MICOS13: variants seen among roughly 807,000 people sequenced by gnomAD.
MICOS13 encodes the protein MICOS complex subunit MIC13.
Under a neutral mutation model 16.1 loss-of-function variants are expected in MICOS13, and 15 were observed. That is an observed-to-expected ratio of 0.93 (90% CI 0.62 to 1.44). MICOS13 has a LOEUF of 1.44. Ranked by LOEUF, MICOS13 falls within the 40% of genes most tolerant of loss-of-function variation. The pLI is 0.00. For synonymous variants in MICOS13, 61 were observed against 62.6 expected (o/e 0.97, Z 0.12); for missense variants, 164 against 155.0 (o/e 1.06, Z -0.31).
chr19:5,678,723 G>T (rs2054476269), intron 3 of MICOS13, 75 bp from the exon 4 acceptor site: 1 of 689,204 alleles, frequency 1.5e-6, no homozygotes, highest in Non-Finnish European at 2.1e-6. Flanking sequence ...GGAAACTCTA[G>T]AGTTTGTTTT....
Position 5,679,394 on chromosome 19 carries a change from G to T in MICOS13, c.210C>A (p.Leu70=), listed in dbSNP as rs760007005. ...GAAAGTAAATCTTTGGAGGGGCTGG[G>T]AGCTGGGAAAAAGAGATGGGCAGAA... The part of the protein sequence containing the change: ...CQQTGLQIPQ[L]PAPPKIYFPI... The change falls in exon 3 of 4, where the codon CTC becomes CTA. Residue 70 remains leucine, a splice_region_variant and synonymous_variant. Coordinates refer to ENST00000309324, the MANE Select transcript of MICOS13 (RefSeq NM_205767.3). 1.9e-6 allele frequency: 3 copies of T among 1,613,354 alleles called. No individual in the cohort carries two copies. The East Asian group carries it at 6.7e-5, about 36-fold the overall frequency.
At chr19:5,680,226 C>G in intron 1 of MICOS13, 1 of 1,546,720 alleles carries the variant, frequency 6.5e-7, no homozygotes, top group Non-Finnish European at 8.7e-7. Flanking sequence ...GAGGCTGACA[C>G]CGCGAACTGA....
intron 1 of MICOS13, chr19:5,680,176 AT>A: frequency 6.5e-7 from 1 of 1,536,820 alleles, no homozygotes; most frequent in Non-Finnish European, 8.7e-7. Flanking sequence ...ATTCACCGGC[AT>A]TCCCACCTCA....
At position 5,678,660 on chromosome 19, in the gene MICOS13, G is replaced by A. The variant is rs1179581238; in HGVS notation, c.260-12C>T. The A allele has an allele frequency of 4.0e-5, 60 of 1,515,310 alleles. No homozygotes were observed. Among genetic ancestry groups the A allele is most frequent in the Non-Finnish European group, 5.1e-5 (57 of 1,128,438 alleles). The allele number at this position is 1,515,310 out of a possible 1,614,324, so 93.9% of individuals were successfully genotyped here. ...CACCGTCATGATGCCTGTGGGAAAG[G>A]GACGGCCACTGGTGATACTCCCCTC... is the stretch of plus-strand genomic sequence containing the variant. On this transcript the variant is annotated splice_polypyrimidine_tract_variant and intron_variant, in intron 3 of 3. Transcript: ENST00000309324.
chr19:5,679,481 G>A (rs768578448), intron 2 of MICOS13, 85 bp from the exon 3 acceptor site: 3 of 1,593,020 alleles, frequency 1.9e-6, no homozygotes, highest in Non-Finnish European at 2.6e-6. Flanking sequence ...ACAGGCCGGA[G>A]AATCAGGTCA....
chr19:5,679,939 G>A (rs759937928), intron 1 of MICOS13, 176 bp from the exon 2 acceptor site: 91 of 1,372,640 alleles, frequency 6.6e-5, no homozygotes, highest in Non-Finnish European at 8.3e-5. Context: ...GTTTTACAAC[G>A]TGCAAGGCAG....
chr19:5,680,018 A>G (rs540179962), intron 1 of MICOS13: 140 of 1,502,706 alleles, frequency 9.3e-5, no homozygotes, highest in Non-Finnish European at 1.2e-4. Context: ...TCAAAGTCCC[A>G]CAGTGAGCAG....
intron 3 of MICOS13, chr19:5,678,984 C>T (rs994944196): frequency 2.4e-5 from 9 of 372,922 alleles, no homozygotes; most frequent in Non-Finnish European, 4.4e-5. Context: ...CCTCGGCTCA[C>T]TGCAACCTCT....
chr19:5,678,973 AC>A (rs1328334194), intron 3 of MICOS13: 1 of 372,706 alleles, frequency 2.7e-6, no homozygotes, highest in African/African-American at 2.1e-5. Context: ...CAGTGGTGCA[AC>A]CTCGGCTCAC....
Position 5,679,411 on chromosome 19 carries a change from T to G in MICOS13, c.208-15A>C. The G allele has an allele frequency of 6.2e-7, 1 of 1,612,798 alleles. No homozygotes were observed. On this transcript the variant is annotated splice_polypyrimidine_tract_variant and intron_variant, in intron 2 of 3. Transcript: ENST00000309324. ...GGGGCTGGGAGCTGGGAAAAAGAGA[T>G]GGGCAGAAAGAACTGGTGAAAAGGC...
rs2054474429 is a variant in MICOS13, at chr19:5,678,613, G to A, written c.295C>T (p.Pro99Ser). ...MTVMSALSVA[P>S]SKAREYSKEG... Reference sequence around the variant, plus strand: ...TTGGAGTACTCGCGGGCCTTGGAGGGGGCCACCGACAGAGCTGACATCACC... The same window carrying A: ...TTGGAGTACTCGCGGGCCTTGGAGGAGGCCACCGACAGAGCTGACATCACC... The change falls in exon 4 of 4, where the codon CCC becomes TCC. Residue 99 changes from proline to serine, a missense_variant. By Grantham distance (74) the Pro-to-Ser change is moderately conservative. Coordinates refer to ENST00000309324, the MANE Select transcript of MICOS13 (RefSeq NM_205767.3). The A allele has an allele frequency of 6.5e-7, 1 of 1,546,388 alleles. No homozygotes were observed. The highest frequency in any genetic ancestry group is 8.7e-7 in the Non-Finnish European group (1 of 1,145,162).
At chr19:5,680,395 CAG>C in intron 1 of MICOS13, 61 bp downstream of exon 1, 1 of 1,609,540 alleles carries the variant, frequency 6.2e-7, no homozygotes, top group Non-Finnish European at 8.5e-7. Flanking sequence ...AGACTGGAGA[CAG>C]GGATGCCCAC....
At chr19:5,678,879 C>G (rs528185152) in intron 3 of MICOS13, 1 of 483,176 alleles carries the variant, frequency 2.1e-6, no homozygotes, top group East Asian at 4.0e-5. Flanking sequence ...GTAGCTGGGA[C>G]TACAAGTGCG....
chr19:5,678,919 A>AT, intron 3 of MICOS13: 3 of 394,466 alleles, frequency 7.6e-6, no homozygotes, highest in Non-Finnish European at 1.4e-5. Context: ...TTTGTATTTT[A>AT]TTTTTTTGAG....
intron 3 of MICOS13, 62 bp from the exon 4 acceptor site, chr19:5,678,710 C>T (rs2054476094): frequency 1.1e-6 from 1 of 890,538 alleles, no homozygotes; most frequent in Non-Finnish European, 1.5e-6. Context: ...CCTCCAACCC[C>T]TGGGAAACTC....
At chr19:5,679,525 G>A (rs1863016084) in intron 2 of MICOS13, 61 bp downstream of exon 2, 14 of 1,596,636 alleles carry the variant, frequency 8.8e-6, no homozygotes, top group South Asian at 2.2e-5. Flanking sequence ...GTGCAGGGCT[G>A]GAGGGACCTC....
chr19:5,680,319 A>G (rs1438670870), intron 1 of MICOS13, 139 bp downstream of exon 1: 1 of 1,608,520 alleles, frequency 6.2e-7, no homozygotes, highest in Non-Finnish European at 8.5e-7. Context: ...CAGTTTCCCT[A>G]TCTGGCCCAT....
rs116939229 is a variant in MICOS13, at chr19:5,679,992, G to C, written c.30-229C>G. The C allele has an allele frequency of 1.5e-4, 218 of 1,477,458 alleles. 1 individual carries two copies. In the African/African-American group the frequency reaches 2.9e-3, roughly 20 times the overall value. The allele number at this position is 1,477,458 out of a possible 1,614,324, so 91.5% of individuals were successfully genotyped here. A position where few individuals can be genotyped will look rare whatever the true frequency, so the allele number is the denominator to read the frequency against. The stretch of plus-strand genomic sequence containing the variant: ...TGAACTGATGAACTGAAACCCAGAG[G>C]GGGAGAGTGGGTCACTCAAAGTCCC... On this transcript the variant is annotated intron_variant, in intron 1 of 3. Coordinates refer to ENST00000309324, the MANE Select transcript of MICOS13 (RefSeq NM_205767.3).
chr19:5,680,077 G>A, intron 1 of MICOS13: 1 of 1,533,696 alleles, frequency 6.5e-7, no homozygotes, highest in African/African-American at 1.4e-5. Flanking sequence ...TTCCAGCCCT[G>A]GAGAAACCAA....
Sources: allele counts gnomAD v4.1 joint callset, GRCh38; gene constraint gnomAD v4.1.1; transcripts MANE v1.5; gene names NCBI Gene and HGNC (gene_info 2026-07-23, HGNC 2026-07-21).